The following TRHR variants were observed in gnomAD, a reference collection of about 807,000 sequenced individuals.
The protein encoded by TRHR is thyrotropin releasing hormone receptor.
In TRHR, 14 loss-of-function variants were observed where a neutral mutation model predicts 28.0. That is an observed-to-expected ratio of 0.50 (90% confidence interval 0.33 to 0.78). The LOEUF (loss-of-function observed/expected upper bound fraction) is 0.78, where lower values mean the gene tolerates loss of function less well. TRHR is among the 30% of genes least tolerant of loss of function. TRHR has a pLI of 0.02. For synonymous variants in TRHR, 176 were observed against 171.9 expected (o/e 1.02, Z -0.18); for missense variants, 438 against 469.5 (o/e 0.93, Z 0.62).
intron 2 of TRHR, among the ~76,000 whole-genome samples, chr8:109,115,274 C>T (rs1402783318): frequency 6.6e-6 from 1 of 152,038 alleles, no homozygotes; most frequent in Non-Finnish European, 1.5e-5. Context: ...GTTCTTTTGG[C>T]TTAGGATTGA....
intron 2 of TRHR, among the ~76,000 whole-genome samples, chr8:109,100,269 C>T (rs191957531): frequency 2.0e-4 from 31 of 152,134 alleles, no homozygotes; most frequent in Admixed American, 1.0e-3. Flanking sequence ...AGTATATTTA[C>T]GGGAGAAATA....
At chr8:109,089,438 C>A (rs774785316) in intron 2 of TRHR, among the ~76,000 whole-genome samples, 51 of 151,288 alleles carry the variant, frequency 3.4e-4, no homozygotes, top group Non-Finnish European at 4.1e-4. Context: ...ATATATGCAT[C>A]GTAACTGGAC....
chr8:109,109,378 C>T (rs1028211765), intron 2 of TRHR, among the ~76,000 whole-genome samples: 1 of 151,760 alleles, frequency 6.6e-6, no homozygotes. Flanking sequence ...TATAAACTTT[C>T]TGACATCAGT....
chr8:109,087,484 T>C lies in TRHR; in HGVS notation c.-29T>C, dbSNP rs1811450682. 5 of 1,613,488 alleles carry C rather than the reference T, an allele frequency of 3.1e-6. No homozygotes were observed. The highest frequency in any genetic ancestry group is 4.2e-6 in the Non-Finnish European group (5 of 1,179,786). On this transcript the variant is annotated 5_prime_UTR_variant, in exon 2 of 3. Coordinates refer to ENST00000518632, the MANE Select transcript of TRHR (RefSeq NM_003301.7). Reference sequence around the variant, plus strand: ...GAAAGAAGATGTTTTGAGAAGTCAGTGTTTCCGAGAAACTTTAAGCTTCTA... The same window carrying C: ...GAAAGAAGATGTTTTGAGAAGTCAGCGTTTCCGAGAAACTTTAAGCTTCTA...
intron 2 of TRHR, among the ~76,000 whole-genome samples, chr8:109,093,400 C>T (rs1448983080): frequency 2.6e-5 from 2 of 77,394 alleles, no homozygotes; most frequent in African/African-American, 1.1e-4. Flanking sequence ...GTGCTATTTA[C>T]TTTTTTTTTT....
At position 109,088,057 on chromosome 8, in the gene TRHR, A is replaced by G; in HGVS notation, c.545A>G (p.Lys182Arg). 6.2e-7 allele frequency: 1 copy of G among 1,614,156 alleles called. No individual in the cohort carries two copies. The highest frequency in any genetic ancestry group is 8.5e-7 in the Non-Finnish European group (1 of 1,180,030). ...KDAIVISCGY[K>R]ISRNYYSPIY... is the part of the protein sequence containing the mutation. ...GCTATTGTGATATCCTGTGGCTACA[A>G]GATCTCCAGGAATTACTACTCACCT... The change falls in exon 2 of 3, where the codon AAG becomes AGG. Residue 182 changes from lysine to arginine, a missense_variant. Lys to Arg is a conservative substitution (Grantham distance 26). Coordinates refer to ENST00000518632, the MANE Select transcript of TRHR (RefSeq NM_003301.7).
chr8:109,114,220 G>A (rs148940819), intron 2 of TRHR, among the ~76,000 whole-genome samples: 143 of 152,158 alleles, frequency 9.4e-4, no homozygotes, highest in African/African-American at 3.2e-3. Flanking sequence ...CCAAGGACAA[G>A]CCATCAAGCC....
At chr8:109,092,055 T>C (rs1811524991) in intron 2 of TRHR, among the ~76,000 whole-genome samples, 2 of 152,218 alleles carry the variant, frequency 1.3e-5, no homozygotes, top group South Asian at 2.1e-4. Flanking sequence ...CAGAAACACC[T>C]GAACATCTTA....
Position 109,087,863 on chromosome 8 carries a change from A to G in TRHR, c.351A>G (p.Thr117=). The change falls in exon 2 of 3, where the codon ACA becomes ACG. Residue 117 remains threonine, a synonymous_variant. Transcript: ENST00000518632. The part of the protein sequence containing the change: ...LGINASSCSI[T]AFTIERYIAI... The stretch of plus-strand genomic sequence containing the variant: ...TTAATGCATCCTCTTGTTCAATAAC[A>G]GCCTTTACCATTGAGAGGTACATAG... 6.2e-7 allele frequency: 1 copy of G among 1,614,202 alleles called. No individual in the cohort carries two copies. Among genetic ancestry groups the G allele is most frequent in the Non-Finnish European group, 8.5e-7 (1 of 1,180,036 alleles).
chr8:109,111,244 T>C (rs1811826949), intron 2 of TRHR, among the ~76,000 whole-genome samples: 1 of 152,152 alleles, frequency 6.6e-6, no homozygotes, highest in Non-Finnish European at 1.5e-5. Flanking sequence ...CAAGAAGAAA[T>C]TCCCAGAGCT....
At chr8:109,117,671 C>T (rs750654749) in intron 2 of TRHR, among the ~76,000 whole-genome samples, 9 of 151,790 alleles carry the variant, frequency 5.9e-5, no homozygotes, top group Non-Finnish European at 1.3e-4. Flanking sequence ...AGATGATAAT[C>T]ACTACATCTC....
intron 2 of TRHR, among the ~76,000 whole-genome samples, chr8:109,096,000 C>T (rs552314911): frequency 1.3e-5 from 2 of 152,262 alleles, no homozygotes; most frequent in African/African-American, 4.8e-5. Context: ...CACTCTCCTC[C>T]AAATCATTCT....
intron 2 of TRHR, among the ~76,000 whole-genome samples, chr8:109,113,140 C>A (rs1207803195): frequency 1.3e-5 from 2 of 152,012 alleles, no homozygotes; most frequent in African/African-American, 4.8e-5. Context: ...GAGGCCACCC[C>A]CACACTGTGC....
chr8:109,110,071 T>G (rs1811807572), intron 2 of TRHR, among the ~76,000 whole-genome samples: 1 of 152,196 alleles, frequency 6.6e-6, no homozygotes, highest in African/African-American at 2.4e-5. Context: ...CCCCTACTGG[T>G]GCATGCAGCC....
chr8:109,109,320 C>G (rs1811794423), intron 2 of TRHR, among the ~76,000 whole-genome samples: 2 of 151,984 alleles, frequency 1.3e-5, no homozygotes, highest in Admixed American at 6.6e-5. Context: ...TCCAATATAT[C>G]ACTTTGATAT....
chr8:109,090,957 G>A (rs1381148466), intron 2 of TRHR, among the ~76,000 whole-genome samples: 2 of 151,394 alleles, frequency 1.3e-5, no homozygotes, highest in East Asian at 1.9e-4. Flanking sequence ...GAGAGACAGA[G>A]AAGGCTGTGG....
chr8:109,116,208 A>G (rs1811918949), intron 2 of TRHR, among the ~76,000 whole-genome samples: 1 of 152,122 alleles, frequency 6.6e-6, no homozygotes, highest in Non-Finnish European at 1.5e-5. Context: ...GTTTGCCAGT[A>G]TTTTATTGAG....
Position 109,120,555 on chromosome 8 carries a change from T to C in TRHR, c.*1100T>C, listed in dbSNP as rs1026767652. Among the ~76,000 whole-genome samples the C allele has an allele frequency of 9.9e-5, 15 of 151,838 alleles. No homozygotes were observed. Among genetic ancestry groups the C allele is most frequent in the African/African-American group, 3.6e-4 (15 of 41,422 alleles). On this transcript the variant is annotated 3_prime_UTR_variant, in exon 3 of 3. Transcript: ENST00000518632. ...TTCCTTCCTATCTGCTTGTTGTTTG[T>C]AGGTTCTTTTTTTGTTTTTCTCAAA...
At chr8:109,118,679 G>C (rs946494990) in intron 2 of TRHR, among the ~76,000 whole-genome samples, 4 of 151,856 alleles carry the variant, frequency 2.6e-5, no homozygotes, top group African/African-American at 7.2e-5. Flanking sequence ...TCAGGCAAGA[G>C]AATCCTGGAA....
Sources: allele counts gnomAD v4.1 joint callset (sites outside exome capture counted in the v4.1 genomes callset), GRCh38; gene constraint gnomAD v4.1.1; transcripts MANE v1.5; gene names NCBI Gene and HGNC (gene_info 2026-07-23, HGNC 2026-07-21).